The following CACTIN variants were observed in gnomAD, a reference collection of about 807,000 sequenced individuals.
The protein encoded by CACTIN is splicing factor Cactin.
CACTIN carries 20 observed loss-of-function variants against 84.9 expected under a neutral mutation model. That is an observed-to-expected ratio of 0.24 (90% CI 0.17 to 0.34). CACTIN has a LOEUF of 0.34. CACTIN is among the 10% of genes least tolerant of loss of function. The probability of loss-of-function intolerance (pLI) is 1.00; values close to 1 mark genes in which losing one functional copy is unlikely to be tolerated. For missense variants in CACTIN, 897 were observed against 1,117.2 expected (o/e 0.80, Z 2.81); for synonymous variants, 549 against 467.9 (o/e 1.17, Z -2.24).
intron 2 of CACTIN, among the ~76,000 whole-genome samples, chr19:3,621,588 C>T (rs143241986): frequency 7.2e-5 from 11 of 152,348 alleles, no homozygotes; most frequent in East Asian, 1.9e-4. Context: ...CAGGCGTCAA[C>T]GATGACCACA....
In CACTIN at chr19:3,610,779, G is replaced by T. The variant is rs1274854176; in HGVS notation, c.*1144C>A. Reference sequence around the variant, plus strand: ...AACGGAACTATTTCCAGATGAGGCGGGGTGTCTGGGAGGGGCTGTGGGTGG... The same window carrying T: ...AACGGAACTATTTCCAGATGAGGCGTGGTGTCTGGGAGGGGCTGTGGGTGG... On this transcript the variant is annotated 3_prime_UTR_variant, in exon 10 of 10. Coordinates refer to ENST00000429344, the MANE Select transcript of CACTIN (RefSeq NM_001080543.2). 2.2e-6 allele frequency: 1 copy of T among 457,046 alleles called. No homozygotes were observed. 28.3% of individuals were successfully genotyped at this position (457,046 alleles called of 1,614,324 possible).
At chr19:3,612,725 C>A (rs928228189) in intron 9 of CACTIN, 1 of 696,060 alleles carries the variant, frequency 1.4e-6, no homozygotes, top group African/African-American at 1.8e-5. Context: ...CCACGCATGA[C>A]CCCCGAGGGG....
chr19:3,612,320 A>T lies in CACTIN; in HGVS notation c.1880T>A (p.Leu627His). The change falls in exon 10 of 10, where the codon CTC becomes CAC. Residue 627 changes from leucine (L) to histidine (H), a missense_variant. This residue lies in a region of CACTIN where 243 missense variants were observed against 239.9 expected (regional missense o/e 1.01). Coordinates refer to ENST00000429344, the MANE Select transcript of CACTIN (RefSeq NM_001080543.2). ...DEAQFSVEMP[L>H]TGKAYLWADK... ...GGCCCACAGGTAGGCCTTGCCGGTGAGTGGCATCTCCACGCTGAACTGCGC... is the reference window on the plus strand; with the variant it reads ...GGCCCACAGGTAGGCCTTGCCGGTGTGTGGCATCTCCACGCTGAACTGCGC... The T allele has an allele frequency of 6.2e-7, 1 of 1,612,648 alleles. No homozygotes were observed. The highest frequency in any genetic ancestry group is 8.5e-7 in the Non-Finnish European group (1 of 1,179,866).
chr19:3,613,931 A>C (rs866101847), intron 7 of CACTIN: 10 of 429,072 alleles, frequency 2.3e-5, no homozygotes, highest in Admixed American at 1.2e-4. Context: ...TTTACAAATT[A>C]GCAGAGGAGA....
intron 2 of CACTIN, 38 bp from the exon 3 acceptor site, chr19:3,620,840 C>T (rs375535538): frequency 3.3e-5 from 50 of 1,511,410 alleles, no homozygotes; most frequent in South Asian, 1.1e-4. Context: ...AGCACAGACC[C>T]GCCCCCTCGC....
intron 6 of CACTIN, among the ~76,000 whole-genome samples, chr19:3,617,616 C>A (rs1052520479): frequency 2.6e-5 from 4 of 151,372 alleles, no homozygotes; most frequent in African/African-American, 9.8e-5. Context: ...ACGCTGGAAA[C>A]GCCTCCCAGT....
intron 2 of CACTIN, 48 bp from the exon 3 acceptor site, chr19:3,620,850 C>T (rs1331482921): frequency 2.0e-6 from 3 of 1,464,402 alleles, no homozygotes; most frequent in Non-Finnish European, 9.5e-7. Context: ...CGCCCCCTCG[C>T]CCCCCTCCTC....
intron 6 of CACTIN, chr19:3,614,947 G>C: frequency 2.7e-6 from 1 of 375,646 alleles, no homozygotes; most frequent in Non-Finnish European, 5.1e-6. Flanking sequence ...CACCAACCTG[G>C]CCCAACTCTG....
intron 7 of CACTIN, chr19:3,613,886 G>A (rs557069084): frequency 8.2e-5 from 41 of 497,826 alleles, no homozygotes; most frequent in Non-Finnish European, 1.2e-4. Flanking sequence ...GGCCCAGCAG[G>A]ACACCAGCCA....
intron 2 of CACTIN, among the ~76,000 whole-genome samples, chr19:3,622,622 A>G (rs1002218505): frequency 3.3e-5 from 5 of 152,200 alleles, no homozygotes; most frequent in Admixed American, 6.5e-5. Flanking sequence ...GAGCTGGGAG[A>G]GGCAGGAGGG....
rs1299241295 is a variant in CACTIN at position 3,613,181 on chromosome 19, C to A, written c.1663G>T (p.Asp555Tyr). The stretch of plus-strand genomic sequence containing the variant: ...AGCCGCGGGCTGTACCTGCCGGCGT[C>A]GTAGTCGTCCAGGCTCTGCTGGATC... The part of the protein sequence containing the change: ...DLIQQSLDDY[D>Y]AGRYSPRLLT... Residue 555 changes from aspartate (D) to tyrosine (Y), a missense_variant, in exon 9 of 10, where the codon GAC (aspartate) becomes TAC (tyrosine). Physicochemically the swap from Asp to Tyr is radical, Grantham distance 160. This residue lies in a region of CACTIN where 243 missense variants were observed against 239.9 expected (regional missense o/e 1.01). Transcript: ENST00000429344. 6.2e-7 allele frequency: 1 copy of A among 1,611,396 alleles called. No individual in the cohort carries two copies. The highest frequency in any genetic ancestry group is 1.7e-5 in the Admixed American group (1 of 59,984).
intron 2 of CACTIN, 86 bp from the exon 3 acceptor site, chr19:3,620,888 G>C: frequency 9.2e-7 from 1 of 1,082,506 alleles, no homozygotes; most frequent in Non-Finnish European, 1.4e-6. Context: ...GATTGACCAG[G>C]GCCCTTGTTT....
Position 3,612,295 on chromosome 19 carries a change from G to C in CACTIN, c.1905C>G (p.Ala635=). 6.2e-7 allele frequency: 1 copy of C among 1,612,982 alleles called. No individual in the cohort carries two copies. The highest frequency in any genetic ancestry group is 8.5e-7 in the Non-Finnish European group (1 of 1,179,890). The part of the protein sequence containing the change: ...MPLTGKAYLW[A]DKYRPRKPRF... ...GCGGCTTGCGTGGCCGGTACTTGTC[G>C]GCCCACAGGTAGGCCTTGCCGGTGA... The change falls in exon 10 of 10, where the codon GCC becomes GCG. Residue 635 remains alanine, a synonymous_variant. Transcript: ENST00000429344.
chr19:3,622,491 A>C (rs1398417221), intron 2 of CACTIN, among the ~76,000 whole-genome samples: 1 of 152,158 alleles, frequency 6.6e-6, no homozygotes, highest in Non-Finnish European at 1.5e-5. Context: ...ACACACAGAC[A>C]CACAGAGCAG....
chr19:3,612,740 T>C, intron 9 of CACTIN: 1 of 696,772 alleles, frequency 1.4e-6, no homozygotes, highest in African/African-American at 1.7e-5. Context: ...GAGGGGGTCC[T>C]GGCCCAGGGG....
At chr19:3,621,067 G>A (rs2033213775) in intron 2 of CACTIN, 4 of 563,310 alleles carry the variant, frequency 7.1e-6, no homozygotes, top group Admixed American at 5.4e-5. Flanking sequence ...GCCTCACTCG[G>A]GGCCGCCCCA....
chr19:3,626,469 C>T (rs1770865842), intron 1 of CACTIN, 127 bp downstream of exon 1: 1 of 1,048,130 alleles, frequency 9.5e-7, no homozygotes, highest in Non-Finnish European at 1.3e-6. Context: ...GGTCAATTGT[C>T]CCCTTCTCTA....
intron 6 of CACTIN, 71 bp from the exon 7 acceptor site, chr19:3,614,660 C>T: frequency 3.1e-6 from 4 of 1,283,168 alleles, no homozygotes; most frequent in African/African-American, 1.5e-5. Flanking sequence ...ATCAGGGCCT[C>T]CTCCCCTGCC....
Position 3,614,492 on chromosome 19 carries a change from G to A in CACTIN, c.1260C>T (p.Gly420=), listed in dbSNP as rs1164310888. Residue 420 remains glycine (G), a synonymous_variant, in exon 7 of 10, where the codon GGC becomes GGT. Coordinates refer to ENST00000429344, the MANE Select transcript of CACTIN (RefSeq NM_001080543.2). ...CACCAGCGCGGATTTTGCCCTCGAT[G>A]CCCTGGAAGATGACCTGCAGCTGGT... ...TYNQLQVIFQ[G]IEGKIRAGGP... The A allele has an allele frequency of 1.9e-6, 3 of 1,604,994 alleles. No individual in the cohort carries two copies. The highest frequency in any genetic ancestry group is 1.3e-5 in the African/African-American group (1 of 74,748).
Sources: allele counts gnomAD v4.1 joint callset (sites outside exome capture counted in the v4.1 genomes callset), GRCh38; gene constraint gnomAD v4.1.1; regional missense constraint gnomAD v4.1.1; transcripts MANE v1.5; gene names NCBI Gene and HGNC (gene_info 2026-07-23, HGNC 2026-07-21).